Variants in HDAC4 observed in about 807,000 individuals in gnomAD.
The protein encoded by HDAC4 is histone deacetylase 4, also known as histone deacetylase A.
In HDAC4, 16 loss-of-function variants were observed where a neutral mutation model predicts 135.1. The ratio of observed to expected loss-of-function variants is 0.12; its 90% confidence interval spans 0.08 to 0.18. The LOEUF (loss-of-function observed/expected upper bound fraction) is 0.18, where lower values mean the gene tolerates loss of function less well. HDAC4 is among the 10% of genes least tolerant of loss of function. The pLI is 1.00. For missense variants in HDAC4, 1,143 were observed against 1,511.8 expected (o/e 0.76, Z 4.05); for synonymous variants, 685 against 653.4 (o/e 1.05, Z -0.74).
intron 18 of HDAC4, among the ~76,000 whole-genome samples, chr2:239,088,227 C>T (rs761394123): frequency 6.6e-6 from 1 of 152,248 alleles, no homozygotes; most frequent in Non-Finnish European, 1.5e-5. Context: ...TCTGTAGTTG[C>T]TGCCATAAAA....
intron 3 of HDAC4, among the ~76,000 whole-genome samples, chr2:239,228,337 C>G (rs751189411): frequency 6.6e-6 from 1 of 152,190 alleles, no homozygotes; most frequent in Non-Finnish European, 1.5e-5. Context: ...CTCAGCTGAG[C>G]CCAGGACCTG....
intron 2 of HDAC4, among the ~76,000 whole-genome samples, chr2:239,254,983 A>G (rs986456718): frequency 2.6e-5 from 4 of 152,274 alleles, no homozygotes; most frequent in African/African-American, 9.6e-5. Context: ...AAATGTCTTC[A>G]AACATGCTGA....
At chr2:239,316,042 A>G (rs1360483480) in intron 2 of HDAC4, among the ~76,000 whole-genome samples, 1 of 152,216 alleles carries the variant, frequency 6.6e-6, no homozygotes, top group African/African-American at 2.4e-5. Flanking sequence ...AACTGTGTGA[A>G]CAGAGACCAA....
intron 3 of HDAC4, among the ~76,000 whole-genome samples, chr2:239,194,197 G>A (rs1399847374): frequency 6.6e-6 from 1 of 152,216 alleles, no homozygotes; most frequent in Non-Finnish European, 1.5e-5. Flanking sequence ...CTCCCTGGAT[G>A]TAGCCTCATC....
Position 239,263,325 on chromosome 2 carries a change from G to A in HDAC4, c.23-26661C>T, listed in dbSNP as rs1374038798. Among the ~76,000 whole-genome samples the A allele has an allele frequency of 2.6e-3, 188 of 71,168 alleles. 1 individual carries two copies. Among genetic ancestry groups the A allele is most frequent in the African/African-American group, 9.9e-3 (179 of 18,012 alleles). 46.7% of individuals were successfully genotyped at this position (71,168 alleles called of 152,430 possible). On this transcript the variant is annotated intron_variant, in intron 2 of 26. Transcript: ENST00000543185. ...CTCGAAGCCCACCCTGAGGACCCCC[G>A]CCCATCCCAGCCCCTTGCACATCAG...
intron 23 of HDAC4, among the ~76,000 whole-genome samples, chr2:239,067,157 C>G (rs1265336705): frequency 1.3e-5 from 2 of 152,238 alleles, no homozygotes; most frequent in Non-Finnish European, 2.9e-5. Context: ...CTTCGGCCCC[C>G]GCAGAGGGGC....
At chr2:239,388,158 A>C (rs910265335) in intron 1 of HDAC4, among the ~76,000 whole-genome samples, 1 of 152,198 alleles carries the variant, frequency 6.6e-6, no homozygotes, top group Non-Finnish European at 1.5e-5. Context: ...GGGGTTGGGG[A>C]AAGGCTGGGC....
intron 2 of HDAC4, among the ~76,000 whole-genome samples, chr2:239,276,453 A>C (rs1361415284): frequency 6.6e-6 from 1 of 152,216 alleles, no homozygotes; most frequent in African/African-American, 2.4e-5. Flanking sequence ...TGCCACCTTC[A>C]AAGCAGCCCT....
intron 19 of HDAC4, 27 bp downstream of exon 19, chr2:239,087,532 C>A: frequency 6.2e-7 from 1 of 1,608,740 alleles, no homozygotes; most frequent in Non-Finnish European, 8.5e-7. Flanking sequence ...GGTTCCCCTG[C>A]TGTGCGGGGC....
At chr2:239,084,462 C>T (rs1042802731) in intron 19 of HDAC4, among the ~76,000 whole-genome samples, 8 of 147,342 alleles carry the variant, frequency 5.4e-5, no homozygotes, top group Non-Finnish European at 9.0e-5. Context: ...CACGCGTGCG[C>T]GCGCACACAC....
intron 2 of HDAC4, among the ~76,000 whole-genome samples, chr2:239,252,272 C>A (rs1270707811): frequency 6.6e-6 from 1 of 152,218 alleles, no homozygotes; most frequent in East Asian, 1.9e-4. Context: ...GTGGGCCTCA[C>A]CGTCAACAGC....
chr2:239,397,401 A>G (rs1696635507), intron 1 of HDAC4, among the ~76,000 whole-genome samples: 1 of 152,226 alleles, frequency 6.6e-6, no homozygotes, highest in Non-Finnish European at 1.5e-5. Flanking sequence ...AGCACGTGAC[A>G]GCTGCTCGTG....
intron 3 of HDAC4, among the ~76,000 whole-genome samples, chr2:239,236,139 G>C (rs1427875433): frequency 6.6e-6 from 1 of 152,200 alleles, no homozygotes; most frequent in Admixed American, 6.5e-5. Context: ...AAAGGTACTT[G>C]GAAGACAGAT....
chr2:239,246,217 C>T (rs1272392673), intron 2 of HDAC4, among the ~76,000 whole-genome samples: 3 of 152,304 alleles, frequency 2.0e-5, no homozygotes, highest in Non-Finnish European at 4.4e-5. Context: ...GGGAGGCAAA[C>T]GCGGGCAGGA....
At chr2:239,360,315 G>C (rs989191819) in intron 1 of HDAC4, among the ~76,000 whole-genome samples, 2 of 152,214 alleles carry the variant, frequency 1.3e-5, no homozygotes, top group East Asian at 3.9e-4. Context: ...ACAGACAGCC[G>C]CAAGGGGACC....
chr2:239,341,375 A>C (rs1692288221), intron 2 of HDAC4, among the ~76,000 whole-genome samples: 1 of 152,252 alleles, frequency 6.6e-6, no homozygotes, highest in South Asian at 2.1e-4. Context: ...GCAGTGTCAG[A>C]CCGGGATGAG....
rs1201508507 is a variant in HDAC4, at chr2:239,299,780, G to GGGA, written c.22+52897_22+52898insTCC. ...CAGCTGGGGCCCAGGGACTGGCACA[G>GGGA]CTGTTCCGCTCTGCTCCCGGCATGT... On this transcript the variant is annotated intron_variant, in intron 2 of 26. Coordinates refer to ENST00000543185, the MANE Select transcript of HDAC4 (RefSeq NM_001378414.1). The surrounding 1 kb of genome is among the most constrained non-coding windows in gnomAD (Gnocchi z 4.0). Among the ~76,000 whole-genome samples the GGGA allele has an allele frequency of 6.6e-6, 1 of 152,200 alleles. No homozygotes were observed. Among genetic ancestry groups the GGGA allele is most frequent in the African/African-American group, 2.4e-5 (1 of 41,460 alleles).
At chr2:239,216,663 T>C (rs371538420) in intron 3 of HDAC4, among the ~76,000 whole-genome samples, 3 of 152,320 alleles carry the variant, frequency 2.0e-5, no homozygotes, top group South Asian at 4.1e-4. Context: ...TGGGTGAAGC[T>C]CCACCTGCCA....
chr2:239,062,879 C>A (rs532095177), intron 24 of HDAC4, among the ~76,000 whole-genome samples: 14 of 152,332 alleles, frequency 9.2e-5, no homozygotes, highest in Middle Eastern at 6.8e-3. Flanking sequence ...CAGGGCGTGT[C>A]CTGGTACCTG....
Sources: gnomAD v4.1 joint callset for allele counts (sites outside exome capture counted in the v4.1 genomes callset) on GRCh38, gnomAD v4.1.1 for gene constraint, Gnocchi (gnomAD v3.1) non-coding constraint, MANE v1.5 for transcripts, NCBI Gene and HGNC (gene_info 2026-07-23, HGNC 2026-07-21) for gene names.